The following TMC5 variants were observed in gnomAD, a reference collection of about 807,000 sequenced individuals.
TMC5 encodes the protein transmembrane channel like 5.
Under a neutral mutation model 110.5 loss-of-function variants are expected in TMC5, and 86 were observed. The ratio of observed to expected loss-of-function variants is 0.78; its 90% CI spans 0.65 to 0.93. The LOEUF (loss-of-function observed/expected upper bound fraction) is 0.93, where lower values mean the gene tolerates loss of function less well. Among genes scored for constraint, TMC5 ranks in the 40% least tolerant of loss-of-function variants. The pLI, the probability that TMC5 is intolerant of heterozygous loss-of-function variation, is 0.00. For synonymous variants in TMC5, 455 were observed against 439.5 expected (o/e 1.04, Z -0.44); for missense variants, 1,144 against 1,222.8 (o/e 0.94, Z 0.96).
intron 1 of TMC5, among the ~76,000 whole-genome samples, chr16:19,424,902 A>C (rs745971661): frequency 2.0e-5 from 3 of 152,192 alleles, no homozygotes; most frequent in Non-Finnish European, 4.4e-5. Context: ...GGCAAGGCCG[A>C]AAGTTGCAAG....
At chr16:19,412,444 C>A (rs1394278666) in intron 1 of TMC5, among the ~76,000 whole-genome samples, 1 of 152,026 alleles carries the variant, frequency 6.6e-6, no homozygotes, top group African/African-American at 2.4e-5. Flanking sequence ...CAGCTCACTG[C>A]AACCGCTGTC....
At chr16:19,412,103 G>A (rs1326879011) in intron 1 of TMC5, among the ~76,000 whole-genome samples, 2 of 151,062 alleles carry the variant, frequency 1.3e-5, no homozygotes, top group Non-Finnish European at 2.9e-5. Flanking sequence ...TTGTTGTCTC[G>A]CTCTGTTGCC....
intron 1 of TMC5, among the ~76,000 whole-genome samples, chr16:19,424,952 A>C (rs1967060279): frequency 6.6e-6 from 1 of 152,200 alleles, no homozygotes; most frequent in African/African-American, 2.4e-5. Context: ...AGCAGCCTCC[A>C]TCCAGGAACC....
chr16:19,423,557 A>G (rs1049516259), intron 1 of TMC5, among the ~76,000 whole-genome samples: 1 of 152,188 alleles, frequency 6.6e-6, no homozygotes, highest in East Asian at 1.9e-4. Flanking sequence ...ATTGTGGTTT[A>G]TAAGCTTGCG....
intron 18 of TMC5, among the ~76,000 whole-genome samples, 158 bp downstream of exon 18, chr16:19,490,726 CCTT>C (rs1968867174): frequency 1.9e-5 from 1 of 51,374 alleles, no homozygotes; most frequent in African/African-American, 4.1e-5. Context: ...TTCCTTCCTT[CCTT>C]CCTTCCTTCC....
At position 19,449,545 on chromosome 16, in the gene TMC5, A is replaced by G. The variant is rs1341842368; in HGVS notation, c.962A>G (p.Asn321Ser). The G allele has an allele frequency of 6.2e-7, 1 of 1,613,930 alleles. No homozygotes were observed. Among genetic ancestry groups the G allele is most frequent in the Non-Finnish European group, 8.5e-7 (1 of 1,179,910 alleles). The change falls in exon 5 of 22, where the codon AAC becomes AGC. Residue 321 changes from asparagine (N) to serine (S), a missense_variant. By Grantham distance (46) the Asn-to-Ser change is conservative. Transcript: ENST00000542583. ...LPGAPGSGYV[N>S]PAYVGESGPV... ...ATCTCCTTCCTCTTCCCTCCAGTGA[A>G]CCCTGCTTATGTAGGTGAAAGTGGT...
chr16:19,475,283 T>A (rs11865534), intron 12 of TMC5, among the ~76,000 whole-genome samples: 25 of 151,846 alleles, frequency 1.6e-4, no homozygotes, highest in African/African-American at 2.4e-4. Flanking sequence ...TTAGCTGGGC[T>A]TGGTGACGCA....
rs1968361141 is a variant in TMC5 at position 19,472,190 on chromosome 16, G to T, written c.1885G>T (p.Val629Leu). ...GGTAGCCTGGGTTGTCTCTACAGGA[G>T]TGGCCATAGCCTGCTGTGCAGCCGT... ...YMVAWVVSTG[V>L]AIACCAAVYY... Residue 629 changes from valine (V) to leucine (L), a missense_variant, in exon 11 of 22, where the codon GTG becomes TTG. Physicochemically the swap from Val to Leu is conservative, Grantham distance 32. Coordinates refer to ENST00000542583, the MANE Select transcript of TMC5 (RefSeq NM_001261841.2). 6.2e-7 allele frequency: 1 copy of T among 1,614,078 alleles called. No homozygotes were observed. Among genetic ancestry groups the T allele is most frequent in the Admixed American group, 1.7e-5 (1 of 60,006 alleles).
intron 6 of TMC5, among the ~76,000 whole-genome samples, chr16:19,460,740 A>C (rs930305347): frequency 6.6e-6 from 1 of 152,186 alleles, no homozygotes; most frequent in Admixed American, 6.5e-5. Flanking sequence ...ACAGCGAAAA[A>C]CATTAGGCAA....
At position 19,440,725 on chromosome 16, in the gene TMC5, G is replaced by T; in HGVS notation, c.687G>T (p.Glu229Asp). The T allele has an allele frequency of 6.2e-7, 1 of 1,614,136 alleles. No individual in the cohort carries two copies. The highest frequency in any genetic ancestry group is 8.5e-7 in the Non-Finnish European group (1 of 1,180,030). Residue 229 changes from glutamate to aspartate, a missense_variant, in exon 3 of 22, where the codon GAG (glutamate) becomes GAT (aspartate). Coordinates refer to ENST00000542583, the MANE Select transcript of TMC5 (RefSeq NM_001261841.2). ...FFGEPDYPSA[E>D]DNQNLPSTWR... is the part of the protein sequence containing the mutation. ...GGGAGCCAGACTATCCCAGTGCTGA[G>T]GACAATCAGAACTTGCCAAGCACTT...
intron 21 of TMC5, among the ~76,000 whole-genome samples, chr16:19,497,502 C>T (rs2521791): frequency 0.64 from 96,723 of 152,124 alleles, 32,321 homozygotes; most frequent in South Asian, 0.76. Flanking sequence ...AGGATTCTCA[C>T]GGTGTTTCAT....
intron 1 of TMC5, among the ~76,000 whole-genome samples, chr16:19,420,834 A>T (rs1328461872): frequency 6.6e-6 from 1 of 152,248 alleles, no homozygotes; most frequent in Non-Finnish European, 1.5e-5. Context: ...TTGGAAGCCC[A>T]TAGTTACAGT....
intron 20 of TMC5, among the ~76,000 whole-genome samples, chr16:19,495,674 C>A (rs964346481): frequency 3.3e-5 from 5 of 151,878 alleles, no homozygotes; most frequent in African/African-American, 1.2e-4. Context: ...GAGACCCCAT[C>A]CCTTAAAAAA....
At chr16:19,475,423 GA>G (rs747294841) in intron 12 of TMC5, among the ~76,000 whole-genome samples, 93 of 139,022 alleles carry the variant, frequency 6.7e-4, no homozygotes, top group Middle Eastern at 3.6e-3. Context: ...CTCCATCTCA[GA>G]AAAAAAAAAA....
At chr16:19,434,544 A>T (rs940992202) in intron 2 of TMC5, among the ~76,000 whole-genome samples, 1 of 150,048 alleles carries the variant, frequency 6.7e-6, no homozygotes, top group Admixed American at 6.8e-5. Flanking sequence ...GGCTGGTCTC[A>T]AACTCCTGGC....
chr16:19,412,158 C>A (rs1966857182), intron 1 of TMC5, among the ~76,000 whole-genome samples: 1 of 149,542 alleles, frequency 6.7e-6, no homozygotes, highest in South Asian at 2.1e-4. Flanking sequence ...GCAGCTTCAA[C>A]CTCCCAGGCT....
chr16:19,495,225 G>A (rs899325837), intron 20 of TMC5, among the ~76,000 whole-genome samples: 1 of 32,906 alleles, frequency 3.0e-5, no homozygotes, highest in Admixed American at 2.3e-4. Context: ...CGTTTTAGCC[G>A]GGATGGTCTC....
At chr16:19,466,816 T>G (rs2143611919) in intron 9 of TMC5, among the ~76,000 whole-genome samples, 1 of 152,292 alleles carries the variant, frequency 6.6e-6, no homozygotes, top group Non-Finnish European at 1.5e-5. Context: ...AAGAACATGA[T>G]AGATAACTAT....
rs1172600104 is a variant in TMC5 at position 19,433,963 on chromosome 16, G to A, written c.-80+3323G>A. Reference sequence around the variant, plus strand: ...GCCTCCTGAGTAGCTGAGATTACAGGCATGTACTACCATGCCCAGCTAATT... The same window carrying A: ...GCCTCCTGAGTAGCTGAGATTACAGACATGTACTACCATGCCCAGCTAATT... On this transcript the variant is annotated intron_variant, in intron 2 of 21. Coordinates refer to ENST00000542583, the MANE Select transcript of TMC5 (RefSeq NM_001261841.2). Among the ~76,000 whole-genome samples, 3 of 139,276 alleles carry A rather than the reference G, an allele frequency of 2.2e-5. No homozygotes were observed. The East Asian group carries it at 6.1e-4, about 28-fold the overall frequency. 91.4% of individuals were successfully genotyped at this position (139,276 alleles called of 152,430 possible).
Sources: gnomAD v4.1 joint callset for allele counts (sites outside exome capture counted in the v4.1 genomes callset) on GRCh38, gnomAD v4.1.1 for gene constraint, MANE v1.5 for transcripts, NCBI Gene and HGNC (gene_info 2026-07-23, HGNC 2026-07-21) for gene names.